The following MNAT1 variants were observed in gnomAD, a reference collection of about 807,000 sequenced individuals.
MNAT1 encodes the protein MNAT1 component of CDK activating kinase.
Under a neutral mutation model 42.0 loss-of-function variants are expected in MNAT1, and 43 were observed. That is an observed-to-expected ratio of 1.02 (90% CI 0.80 to 1.32). MNAT1 has a LOEUF of 1.32. Ranked by LOEUF, MNAT1 falls within the 40% of genes most tolerant of loss-of-function variation. The probability of loss-of-function intolerance (pLI) is 0.00; values close to 1 mark genes in which losing one functional copy is unlikely to be tolerated. For missense variants in MNAT1, 306 were observed against 350.4 expected, an observed-to-expected ratio of 0.87 and a Z score of 1.01; for synonymous variants, 118 against 120.0, an observed-to-expected ratio of 0.98 and a Z score of 0.11.
chr14:60,865,319 T>C (rs942864649), intron 6 of MNAT1, among the ~76,000 whole-genome samples: 22 of 152,224 alleles, frequency 1.4e-4, no homozygotes, highest in African/African-American at 5.1e-4. Flanking sequence ...TTTGGACTTA[T>C]GTATAAGTTG....
In MNAT1 at chr14:60,879,118, A is replaced by G. The variant is rs192811997; in HGVS notation, c.688-596A>G. On this transcript the variant is annotated intron_variant, in intron 6 of 7. Transcript: ENST00000261245. ...TTCAACATTTTCTTGCTCCTTCTCA[A>G]AATGAGTTATCCATTTGTAAACTGC... Among the ~76,000 whole-genome samples, 399 of 152,300 alleles carry G rather than the reference A, an allele frequency of 2.6e-3. 1 individual carries two copies. The highest frequency in any genetic ancestry group is 9.4e-3 in the African/African-American group (391 of 41,564).
chr14:60,896,062 T>C (rs572625184), intron 7 of MNAT1, among the ~76,000 whole-genome samples: 15 of 152,286 alleles, frequency 9.8e-5, no homozygotes, highest in Non-Finnish European at 1.5e-4. Context: ...GATTTTTAGG[T>C]GATTGTTACT....
intron 3 of MNAT1, among the ~76,000 whole-genome samples, chr14:60,807,613 A>G (rs1320935745): frequency 1.3e-5 from 2 of 152,192 alleles, no homozygotes; most frequent in East Asian, 1.9e-4. Context: ...TGATTTACAT[A>G]TGGAAAATTA....
chr14:60,807,109 ACTTTTGC>A (rs1365652265), intron 3 of MNAT1, among the ~76,000 whole-genome samples: 1 of 152,210 alleles, frequency 6.6e-6, no homozygotes, highest in African/African-American at 2.4e-5. Flanking sequence ...AACTGAATAG[ACTTTTGC>A]CTTTATACCT....
At chr14:60,917,709 A>G (rs1161303607) in intron 7 of MNAT1, among the ~76,000 whole-genome samples, 4 of 144,850 alleles carry the variant, frequency 2.8e-5, no homozygotes, top group Non-Finnish European at 6.0e-5. Flanking sequence ...TGCAACCTCC[A>G]CCTCCCGGGT....
chr14:60,890,226 A>T (rs1400657303), intron 7 of MNAT1, among the ~76,000 whole-genome samples: 1 of 152,236 alleles, frequency 6.6e-6, no homozygotes. Flanking sequence ...GATAGAGCGG[A>T]TTAAGAAAAT....
chr14:60,765,370 C>T (rs546340885), intron 1 of MNAT1, among the ~76,000 whole-genome samples: 14 of 152,144 alleles, frequency 9.2e-5, no homozygotes, highest in East Asian at 1.9e-4. Flanking sequence ...TGGGGCCTGT[C>T]GGTGGGTTGG....
chr14:60,737,556 A>G (rs1896341095), intron 1 of MNAT1, among the ~76,000 whole-genome samples: 1 of 152,130 alleles, frequency 6.6e-6, no homozygotes, highest in African/African-American at 2.4e-5. Flanking sequence ...TTAATTATCC[A>G]GTTTTTCCTT....
chr14:60,869,212 T>TTTA (rs988394540), intron 6 of MNAT1, among the ~76,000 whole-genome samples: 1 of 148,430 alleles, frequency 6.7e-6, no homozygotes, highest in African/African-American at 2.5e-5. Flanking sequence ...TTTTTTTTTT[T>TTTA]GGTATTTTAA....
chr14:60,885,300 T>TC (rs1338210562), intron 7 of MNAT1, among the ~76,000 whole-genome samples: 1 of 151,908 alleles, frequency 6.6e-6, no homozygotes, highest in Non-Finnish European at 1.5e-5. Flanking sequence ...TCTCTCTGTC[T>TC]CCTATTTAGG....
chr14:60,916,464 G>T (rs1245449098), intron 7 of MNAT1, among the ~76,000 whole-genome samples: 1 of 152,152 alleles, frequency 6.6e-6, no homozygotes, highest in Non-Finnish European at 1.5e-5. Context: ...AGACCAGTCT[G>T]GGCAACATAA....
In MNAT1 at chr14:60,734,953, T is replaced by C. The variant is rs1896261705; in HGVS notation, c.89+2T>C. On this transcript the variant is annotated splice_donor_variant, in intron 1 of 7. Coordinates refer to ENST00000261245, the MANE Select transcript of MNAT1 (RefSeq NM_002431.4). LOFTEE classifies it high-confidence loss of function. The surrounding 1 kb of genome is among the most constrained non-coding windows in gnomAD (Gnocchi z 4.3). ...GGTGAATGTGTGCGGACACACTCTG[T>C]GAGTTGGGCGGCAGTGGATTCCCTG... 6.2e-7 allele frequency: 1 copy of C among 1,613,816 alleles called. No homozygotes were observed. Among genetic ancestry groups the C allele is most frequent in the South Asian group, 1.1e-5 (1 of 91,080 alleles).
At chr14:60,957,230 CA>C (rs2036502862) in intron 7 of MNAT1, among the ~76,000 whole-genome samples, 1 of 152,088 alleles carries the variant, frequency 6.6e-6, no homozygotes, top group African/African-American at 2.4e-5. Context: ...GCTAGTCATA[CA>C]AAAACATACA....
At chr14:60,868,637 T>G (rs1279403130) in intron 6 of MNAT1, among the ~76,000 whole-genome samples, 1 of 152,154 alleles carries the variant, frequency 6.6e-6, no homozygotes, top group East Asian at 1.9e-4. Flanking sequence ...TGATCTGTTT[T>G]GTTTCCTGAT....
chr14:60,775,047 AT>A (rs2031198842), intron 1 of MNAT1, among the ~76,000 whole-genome samples: 1 of 152,158 alleles, frequency 6.6e-6, no homozygotes, highest in Non-Finnish European at 1.5e-5. Context: ...GGATATGATC[AT>A]TTGTAGGGGG....
chr14:60,957,431 A>T (rs1331993191), intron 7 of MNAT1, among the ~76,000 whole-genome samples: 1 of 152,166 alleles, frequency 6.6e-6, no homozygotes, highest in Non-Finnish European at 1.5e-5. Flanking sequence ...GCAAGAAAGC[A>T]TGTGGCAGGG....
Position 60,968,591 on chromosome 14 carries a change from A to C in MNAT1, c.*242A>C. ...GACACGATAAGCCTCATCTGATGGA[A>C]GAGAGGAATAAATAATTCACCTATA... On this transcript the variant is annotated 3_prime_UTR_variant, in exon 8 of 8. Transcript: ENST00000261245. 1.7e-6 allele frequency: 2 copies of C among 1,149,614 alleles called. No individual in the cohort carries two copies. Among genetic ancestry groups the C allele is most frequent in the Non-Finnish European group, 2.4e-6 (2 of 845,786 alleles). 71.2% of individuals were successfully genotyped at this position (1,149,614 alleles called of 1,614,324 possible). A position where few individuals can be genotyped will look rare whatever the true frequency, so the allele number is the denominator to read the frequency against.
chr14:60,886,967 C>G (rs2139477336), intron 7 of MNAT1, among the ~76,000 whole-genome samples: 1 of 152,174 alleles, frequency 6.6e-6, no homozygotes, highest in Admixed American at 6.5e-5. Context: ...AAAACTTTTC[C>G]TCTGTTGATT....
At chr14:60,821,610 A>G (rs1363352126) in intron 6 of MNAT1, among the ~76,000 whole-genome samples, 2 of 152,184 alleles carry the variant, frequency 1.3e-5, no homozygotes, top group Non-Finnish European at 2.9e-5. Context: ...GCATCGATCA[A>G]GTGTGATTTT....
Sources: allele counts gnomAD v4.1 joint callset (sites outside exome capture counted in the v4.1 genomes callset), GRCh38; gene constraint gnomAD v4.1.1; non-coding constraint Gnocchi (gnomAD v3.1); transcripts MANE v1.5; gene names NCBI Gene and HGNC (gene_info 2026-07-23, HGNC 2026-07-21).